The following AFF3 variants were observed in gnomAD, a reference collection of about 807,000 sequenced individuals.
The protein encoded by AFF3 is ALF transcription elongation factor 3, also known as AF4/FMR2 family member 3.
AFF3 carries 32 observed loss-of-function variants against 129.7 expected under a neutral mutation model. That is an observed-to-expected ratio of 0.25 (90% confidence interval 0.19 to 0.33). The LOEUF (loss-of-function observed/expected upper bound fraction) is 0.33. Ranked by LOEUF, AFF3 falls within the 10% of genes least tolerant of loss-of-function variation. The probability of loss-of-function intolerance (pLI) is 1.00; values close to 1 mark genes in which losing one functional copy is unlikely to be tolerated. For synonymous variants in AFF3, 644 were observed against 635.4 expected (o/e 1.01, Z -0.20); for missense variants, 1,373 against 1,592.0 (o/e 0.86, Z 2.34).
At chr2:99,821,969 A>C (rs1479649642) in intron 8 of AFF3, among the ~76,000 whole-genome samples, 1 of 152,216 alleles carries the variant, frequency 6.6e-6, no homozygotes, top group African/African-American at 2.4e-5. Flanking sequence ...GAGGTGGTAT[A>C]AACACAAGTC....
intron 4 of AFF3, among the ~76,000 whole-genome samples, chr2:100,054,834 G>C (rs1222259732): frequency 6.6e-6 from 1 of 152,126 alleles, no homozygotes; most frequent in East Asian, 1.9e-4. Context: ...TGCTCCCTGT[G>C]GCACCTCACC....
At chr2:99,896,761 C>G (rs796194543) in intron 7 of AFF3, among the ~76,000 whole-genome samples, 1 of 150,526 alleles carries the variant, frequency 6.6e-6, no homozygotes, top group African/African-American at 2.4e-5. Context: ...TCAGACTCCC[C>G]ACTAGCTGGG....
chr2:99,927,485 C>T lies in AFF3; in HGVS notation c.873+79147G>A, dbSNP rs141992284. Among the ~76,000 whole-genome samples, 300 of 152,222 alleles carry T rather than the reference C, an allele frequency of 2.0e-3. 10 individuals carry two copies. The East Asian group carries it at 0.054, about 28-fold the overall frequency. ...GGCAAATGAACTCAGGAACAGAAGA[C>T]CAACTACCACATGTTCTAACTTATA... On this transcript the variant is annotated intron_variant, in intron 7 of 24. Transcript: ENST00000672756.
intron 11 of AFF3, among the ~76,000 whole-genome samples, chr2:99,695,454 C>T (rs1044329838): frequency 6.6e-6 from 1 of 152,198 alleles, no homozygotes. Context: ...CATCTATGGG[C>T]ACACGTGTAT....
chr2:99,754,473 G>A (rs1323245032), intron 8 of AFF3, among the ~76,000 whole-genome samples: 3 of 152,144 alleles, frequency 2.0e-5, no homozygotes, highest in Non-Finnish European at 2.9e-5. Context: ...TTTGCATACA[G>A]ACTCCCTCTG....
At chr2:99,761,423 A>T (rs543430884) in intron 8 of AFF3, among the ~76,000 whole-genome samples, 1 of 152,190 alleles carries the variant, frequency 6.6e-6, no homozygotes, top group South Asian at 2.1e-4. Flanking sequence ...GTCTCCAAGA[A>T]CCCACACACT....
chr2:99,690,073 C>T (rs937978030), intron 11 of AFF3, among the ~76,000 whole-genome samples: 9 of 149,700 alleles, frequency 6.0e-5, no homozygotes, highest in African/African-American at 1.5e-4. Flanking sequence ...GGTGACAGAG[C>T]GAGACTCTGT....
intron 7 of AFF3, among the ~76,000 whole-genome samples, chr2:99,939,861 G>A (rs544343705): frequency 6.6e-6 from 1 of 152,308 alleles, no homozygotes; most frequent in African/African-American, 2.4e-5. Flanking sequence ...CGCTGGGATA[G>A]TTTTAAAGTT....
At chr2:99,559,005 G>A in intron 21 of AFF3, 37 bp from the exon 22 acceptor site, 1 of 1,592,026 alleles carries the variant, frequency 6.3e-7, no homozygotes. Context: ...AGAAGCGGCT[G>A]AGTGCGTCGT....
chr2:99,864,797 C>T (rs1576221105), intron 7 of AFF3, among the ~76,000 whole-genome samples: 2 of 152,316 alleles, frequency 1.3e-5, no homozygotes, highest in African/African-American at 4.8e-5. Context: ...CCAATGTGTT[C>T]ACTGGGCATA....
At chr2:99,563,011 G>A (rs1179508266) in intron 20 of AFF3, among the ~76,000 whole-genome samples, 2 of 131,002 alleles carry the variant, frequency 1.5e-5, no homozygotes, top group Admixed American at 7.3e-5. Context: ...CGCCTGCTTG[G>A]CCATCTGGAG....
intron 11 of AFF3, among the ~76,000 whole-genome samples, chr2:99,696,583 G>T (rs1374469352): frequency 6.6e-6 from 1 of 152,130 alleles, no homozygotes; most frequent in Admixed American, 6.5e-5. Context: ...TGGAAGCCCA[G>T]AGCATGGACT....
intron 7 of AFF3, among the ~76,000 whole-genome samples, chr2:99,858,320 C>G (rs1369827966): frequency 6.9e-6 from 1 of 145,888 alleles, no homozygotes; most frequent in East Asian, 2.0e-4. Flanking sequence ...CTGAGGGGGG[C>G]GGATTGCTTG....
intron 8 of AFF3, among the ~76,000 whole-genome samples, chr2:99,831,402 TA>T (rs1358604856): frequency 2.0e-5 from 3 of 152,178 alleles, no homozygotes; most frequent in Non-Finnish European, 2.9e-5. Context: ...TTCTCTTAAA[TA>T]AAGTTAACAA....
chr2:100,106,547 G>T, intron 2 of AFF3: 1 of 995,952 alleles, frequency 1.0e-6, no homozygotes, highest in Non-Finnish European at 1.2e-6. Context: ...GCATTCCCAG[G>T]AACAAAGGCT....
At chr2:99,744,944 T>C (rs111447893) in intron 9 of AFF3, among the ~76,000 whole-genome samples, 43 of 152,226 alleles carry the variant, frequency 2.8e-4, no homozygotes, top group Non-Finnish European at 6.0e-4. Context: ...GTTAAACTTT[T>C]TAAGGAACTG....
intron 4 of AFF3, among the ~76,000 whole-genome samples, chr2:100,017,892 A>C (rs1446675997): frequency 6.6e-6 from 1 of 152,158 alleles, no homozygotes; most frequent in African/African-American, 2.4e-5. Flanking sequence ...CTCACTGACA[A>C]GCTTTGACAA....
At chr2:99,870,231 C>T (rs1387020158) in intron 7 of AFF3, among the ~76,000 whole-genome samples, 1 of 152,214 alleles carries the variant, frequency 6.6e-6, no homozygotes, top group Non-Finnish European at 1.5e-5. Flanking sequence ...CAGTTAGCAC[C>T]TTGTCACTGC....
intron 13 of AFF3, among the ~76,000 whole-genome samples, chr2:99,631,436 C>G (rs1403795656): frequency 6.6e-6 from 1 of 152,180 alleles, no homozygotes; most frequent in Non-Finnish European, 1.5e-5. Flanking sequence ...CAACCATCAC[C>G]AACACCCATC....
Sources: gnomAD v4.1 joint callset for allele counts (sites outside exome capture counted in the v4.1 genomes callset) on GRCh38, gnomAD v4.1.1 for gene constraint, MANE v1.5 for transcripts, NCBI Gene and HGNC (gene_info 2026-07-23, HGNC 2026-07-21) for gene names.